INSR: variants seen among roughly 807,000 people sequenced by gnomAD.
The protein encoded by INSR is insulin receptor.
INSR carries 67 observed loss-of-function variants against 142.6 expected under a neutral mutation model. That is an observed-to-expected ratio of 0.47 (90% CI 0.39 to 0.58). INSR has a LOEUF of 0.58. Among genes scored for constraint, INSR ranks in the 20% least tolerant of loss-of-function variants. The probability of loss-of-function intolerance (pLI) is 0.00; values close to 1 mark genes in which losing one functional copy is unlikely to be tolerated. For missense variants in INSR, 1,248 were observed against 1,833.2 expected (o/e 0.68, Z 5.83); for synonymous variants, 756 against 743.1 (o/e 1.02, Z -0.28).
intron 2 of INSR, among the ~76,000 whole-genome samples, chr19:7,249,532 T>C (rs1568217059): frequency 6.6e-6 from 1 of 152,064 alleles, no homozygotes; most frequent in African/African-American, 2.4e-5. Flanking sequence ...ATCACTCAAG[T>C]ATGGATCTCT....
chr19:7,186,516 T>C (rs1974435242), intron 2 of INSR, among the ~76,000 whole-genome samples: 1 of 152,090 alleles, frequency 6.6e-6, no homozygotes, highest in Non-Finnish European at 1.5e-5. Context: ...TTCACCATTG[T>C]AATCATGTTT....
At chr19:7,271,817 C>T (rs115356341) in intron 1 of INSR, among the ~76,000 whole-genome samples, 152 of 151,068 alleles carry the variant, frequency 1.0e-3, no homozygotes, top group African/African-American at 3.6e-3. Flanking sequence ...CAAGACCAAC[C>T]TGGGCAACAT....
At position 7,167,254 on chromosome 19, in the gene INSR, G is replaced by C. The variant is rs542125885; in HGVS notation, c.1610+714C>G. On this transcript the variant is annotated intron_variant, in intron 7 of 21. Transcript: ENST00000302850. The stretch of plus-strand genomic sequence containing the variant: ...TGTGTCAGTGCTCAGCAAGGCACAA[G>C]GTAAATCTTGAGGGCTAGAACTATT... Among the ~76,000 whole-genome samples, 3 of 152,256 alleles carry C rather than the reference G, an allele frequency of 2.0e-5. No individual in the cohort carries two copies. The South Asian group carries it at 6.2e-4, about 32-fold the overall frequency.
At chr19:7,244,740 C>T (rs914596929) in intron 2 of INSR, among the ~76,000 whole-genome samples, 26 of 152,036 alleles carry the variant, frequency 1.7e-4, no homozygotes, top group Admixed American at 1.5e-3. Context: ...TTAGAAATAA[C>T]TCCAAGAACC....
intron 2 of INSR, among the ~76,000 whole-genome samples, chr19:7,266,573 T>C (rs7260417): frequency 0.56 from 84,364 of 151,806 alleles, 24,032 homozygotes; most frequent in Middle Eastern, 0.65. Context: ...TTAGTAGAGA[T>C]GGGGTTTCAC....
chr19:7,293,440 G>A (rs1968550368), intron 1 of INSR, among the ~76,000 whole-genome samples: 1 of 152,218 alleles, frequency 6.6e-6, no homozygotes, highest in Non-Finnish European at 1.5e-5. Context: ...CTTCCCGGCC[G>A]CGACCCAAAG....
At chr19:7,208,099 C>G (rs58857770) in intron 2 of INSR, among the ~76,000 whole-genome samples, 55,093 of 151,846 alleles carry the variant, frequency 0.36, 10,600 homozygotes, top group East Asian at 0.44. Flanking sequence ...CGAACTTCTG[C>G]TTCTTGGAAC....
At chr19:7,180,852 C>T (rs7257866) in intron 3 of INSR, among the ~76,000 whole-genome samples, 19,986 of 152,106 alleles carry the variant, frequency 0.13, 2,189 homozygotes, top group African/African-American at 0.3. Context: ...TGGCCGAGCC[C>T]TCCCGATGAG....
At position 7,119,521 on chromosome 19, in the gene INSR, G is replaced by C; in HGVS notation, c.3722C>G (p.Ser1241Cys). The C allele has an allele frequency of 6.2e-7, 1 of 1,614,002 alleles. No homozygotes were observed. Among genetic ancestry groups the C allele is most frequent in the Non-Finnish European group, 8.5e-7 (1 of 1,179,904 alleles). ...SLAEQPYQGL[S>C]NEQVLKFVMD... is the part of the protein sequence containing the mutation. ...GACAAATTTCAACACCTGTTCATTA[G>C]ACAGGCCTTGGTAAGGCTGTTCTGC... The change falls in exon 21 of 22, where the codon TCT becomes TGT. Residue 1241 changes from serine (S) to cysteine (C), a missense_variant. By Grantham distance (112) the Ser-to-Cys change is moderately radical. Around this residue, in one of 3 missense-constraint regions of INSR, gnomAD observed 1,069 missense variants for 1,654.0 expected, o/e 0.65. Transcript: ENST00000302850. This position sits in a 1 kb window ranked among gnomAD's most constrained non-coding sequence, Gnocchi z 5.2.
In INSR at chr19:7,192,849, A is replaced by G. The variant is rs1451437487; in HGVS notation, c.653-8212T>C. Among the ~76,000 whole-genome samples, 2 of 152,164 alleles carry G rather than the reference A, an allele frequency of 1.3e-5. No homozygotes were observed. The highest frequency in any genetic ancestry group is 2.9e-5 in the Non-Finnish European group (2 of 68,022). On this transcript the variant is annotated intron_variant, in intron 2 of 21. Transcript: ENST00000302850. This position sits in a 1 kb window ranked among gnomAD's most constrained non-coding sequence, Gnocchi z 4.2. ...CAGAAGCAACTATCATCTTCCTGAA[A>G]CTTTCAGCTGCGGTGGCTTTTTCAC... is the stretch of plus-strand genomic sequence containing the variant.
chr19:7,117,055 G>C lies in INSR; in HGVS notation c.*1C>G. 1 of 1,613,248 alleles carries C rather than the reference G, an allele frequency of 6.2e-7. No individual in the cohort carries two copies. Among genetic ancestry groups the C allele is most frequent in the Non-Finnish European group, 8.5e-7 (1 of 1,179,216 alleles). ...GCCCGCCCCCGCCACGGTAGGCACT[G>C]TTAGGAAGGATTGGACCGAGGCAAG... On this transcript the variant is annotated 3_prime_UTR_variant, in exon 22 of 22. Transcript: ENST00000302850.
intron 3 of INSR, among the ~76,000 whole-genome samples, chr19:7,178,354 GA>G (rs1974193478): frequency 1.3e-5 from 2 of 151,934 alleles, no homozygotes; most frequent in South Asian, 4.2e-4. Flanking sequence ...GAGGGGGCTG[GA>G]AATGGCAGTG....
At chr19:7,252,714 T>C (rs1176453517) in intron 2 of INSR, among the ~76,000 whole-genome samples, 1 of 152,132 alleles carries the variant, frequency 6.6e-6, no homozygotes, top group Non-Finnish European at 1.5e-5. Context: ...TAATAAAGCC[T>C]ATTAAACAAC....
At chr19:7,128,669 G>A (rs1972702741) in intron 15 of INSR, among the ~76,000 whole-genome samples, 183 bp downstream of exon 15, 1 of 150,874 alleles carries the variant, frequency 6.6e-6, no homozygotes, top group Non-Finnish European at 1.5e-5. Context: ...CAACTGTCTA[G>A]AGGGAATTTA....
intron 2 of INSR, among the ~76,000 whole-genome samples, chr19:7,214,231 A>C (rs750001533): frequency 2.1e-4 from 32 of 152,156 alleles, no homozygotes; most frequent in Non-Finnish European, 4.1e-4. Flanking sequence ...GGAGGCAATG[A>C]CCTCTTTCCT....
rs1455193488 is a variant in INSR at position 7,166,695 on chromosome 19, G to A, written c.1611-291C>T. Among the ~76,000 whole-genome samples, 14 of 152,070 alleles carry A rather than the reference G, an allele frequency of 9.2e-5. No individual in the cohort carries two copies. Among genetic ancestry groups the A allele is most frequent in the Middle Eastern group, 3.4e-3 (1 of 294 alleles). On this transcript the variant is annotated intron_variant, in intron 7 of 21. Coordinates refer to ENST00000302850, the MANE Select transcript of INSR (RefSeq NM_000208.4). The surrounding 1 kb of genome is among the most constrained non-coding windows in gnomAD (Gnocchi z 4.1). ...AGCACTTTGGGAGGCCGAGAATGGC[G>A]GATCACCAGAAGTCAGGAGTTCGAG...
intron 1 of INSR, among the ~76,000 whole-genome samples, chr19:7,292,474 G>GGC (rs77255913): frequency 6.7e-6 from 1 of 150,220 alleles, no homozygotes; most frequent in Non-Finnish European, 1.5e-5. Context: ...CGGGGCTGGG[G>GGC]GGGGGTGGGC....
intron 9 of INSR, among the ~76,000 whole-genome samples, chr19:7,153,236 ACCATACACG>A (rs1973466554): frequency 8.6e-6 from 1 of 116,456 alleles, no homozygotes; most frequent in Non-Finnish European, 1.7e-5. Flanking sequence ...CCACACACAC[ACCATACACG>A]CACCACACAC....
In INSR at chr19:7,184,662, GGAAATAAATAAATAAATAAAT is replaced by G. The variant is rs1974377188; in HGVS notation, c.653-46_653-26del. On this transcript the variant is annotated intron_variant, in intron 2 of 21. Transcript: ENST00000302850. ...ACTGGAGAGAGAGAGAGAGAGAGAGGGAAATAAATAAATAAATAAATAAATAAATAAATAAATAAATAAATG... is the reference window on the plus strand; with the variant it reads ...ACTGGAGAGAGAGAGAGAGAGAGAGGAAATAAATAAATAAATAAATAAATG... The G allele has an allele frequency of 2.4e-5, 24 of 982,644 alleles. No individual in the cohort carries two copies. In the East Asian group the frequency reaches 6.6e-4, roughly 27 times the overall value. 60.9% of individuals were successfully genotyped at this position (982,644 alleles called of 1,614,324 possible).
Sources: gnomAD v4.1 joint callset for allele counts (sites outside exome capture counted in the v4.1 genomes callset) on GRCh38, gnomAD v4.1.1 for gene constraint, gnomAD v4.1.1 regional missense constraint, Gnocchi (gnomAD v3.1) non-coding constraint, MANE v1.5 for transcripts, NCBI Gene and HGNC (gene_info 2026-07-23, HGNC 2026-07-21) for gene names.